The following KCNIP4 variants were observed in gnomAD, a reference collection of about 807,000 sequenced individuals.
The protein encoded by KCNIP4 is potassium voltage-gated channel interacting protein 4, also known as Kv channel-interacting protein 4.
Under a neutral mutation model 34.0 loss-of-function variants are expected in KCNIP4, and 12 were observed. That is an observed-to-expected ratio of 0.35 (90% CI 0.23 to 0.57). The LOEUF (loss-of-function observed/expected upper bound fraction) is 0.57. KCNIP4 is among the 20% of genes least tolerant of loss of function. KCNIP4 has a pLI of 0.83. For missense variants in KCNIP4, 238 were observed against 311.7 expected (o/e 0.76, Z 1.78); for synonymous variants, 124 against 102.2 (o/e 1.21, Z -1.29).
At chr4:21,541,615 C>T (rs569978472) in intron 1 of KCNIP4, among the ~76,000 whole-genome samples, 104 of 152,238 alleles carry the variant, frequency 6.8e-4, no homozygotes, top group African/African-American at 2.4e-3. Flanking sequence ...ATGTTCAAGT[C>T]ATATAGTCTT....
At chr4:21,458,401 C>T (rs573300026) in intron 1 of KCNIP4, among the ~76,000 whole-genome samples, 20 of 151,812 alleles carry the variant, frequency 1.3e-4, no homozygotes, top group African/African-American at 4.6e-4. Context: ...CATTGTTGGA[C>T]ATTTGGGTTG....
chr4:20,898,012 C>T (rs1392029690), intron 1 of KCNIP4, among the ~76,000 whole-genome samples: 1 of 152,070 alleles, frequency 6.6e-6, no homozygotes. Context: ...GCAAAGAAGA[C>T]CCACCCTCAC....
intron 1 of KCNIP4, among the ~76,000 whole-genome samples, chr4:20,935,187 T>A: frequency 6.6e-6 from 1 of 152,204 alleles, no homozygotes; most frequent in South Asian, 2.1e-4. Context: ...AGGGTCTGGA[T>A]GAACATACAT....
chr4:21,556,303 A>C (rs752339979), intron 1 of KCNIP4, among the ~76,000 whole-genome samples: 1 of 152,174 alleles, frequency 6.6e-6, no homozygotes, highest in Non-Finnish European at 1.5e-5. Context: ...TATTAGGTAC[A>C]TGATTCAGTT....
intron 1 of KCNIP4, among the ~76,000 whole-genome samples, chr4:21,466,248 C>T (rs1477192282): frequency 6.6e-6 from 1 of 152,122 alleles, no homozygotes; most frequent in East Asian, 1.9e-4. Context: ...ACACCGAACT[C>T]CAAAGTCTAA....
chr4:21,678,744 C>CTTCTCTG, intron 1 of KCNIP4, among the ~76,000 whole-genome samples: 1 of 152,288 alleles, frequency 6.6e-6, no homozygotes, highest in East Asian at 1.9e-4. Context: ...GACCAAATGC[C>CTTCTCTG]ATTCTCTGAT....
chr4:21,820,456 G>T (rs1036373220), intron 1 of KCNIP4, among the ~76,000 whole-genome samples: 2 of 151,562 alleles, frequency 1.3e-5, no homozygotes, highest in African/African-American at 4.8e-5. Context: ...TAAGCCAATT[G>T]GATGTATACA....
intron 1 of KCNIP4, among the ~76,000 whole-genome samples, chr4:20,999,924 G>A (rs915435481): frequency 3.3e-5 from 5 of 152,322 alleles, no homozygotes; most frequent in Admixed American, 6.5e-5. Context: ...TTTTCTGGTA[G>A]AGGCAACTTA....
At chr4:21,666,749 T>C (rs1192850530) in intron 1 of KCNIP4, among the ~76,000 whole-genome samples, 2 of 152,196 alleles carry the variant, frequency 1.3e-5, no homozygotes, top group African/African-American at 2.4e-5. Context: ...GTCTTTTATA[T>C]GAAAAGCAAG....
At chr4:21,566,246 A>C (rs1323372920) in intron 1 of KCNIP4, among the ~76,000 whole-genome samples, 2 of 152,204 alleles carry the variant, frequency 1.3e-5, no homozygotes, top group Admixed American at 6.5e-5. Context: ...GAGGCCAGTC[A>C]GGACACCAGT....
At chr4:21,860,960 C>T (rs1038788074) in intron 1 of KCNIP4, among the ~76,000 whole-genome samples, 3 of 152,146 alleles carry the variant, frequency 2.0e-5, no homozygotes, top group African/African-American at 7.2e-5. Flanking sequence ...ACAGCCACTC[C>T]ATTCAAAAAC....
chr4:21,210,513 C>T (rs759989326), intron 1 of KCNIP4, among the ~76,000 whole-genome samples: 4 of 152,106 alleles, frequency 2.6e-5, no homozygotes, highest in Non-Finnish European at 4.4e-5. Flanking sequence ...TTCCATTGTC[C>T]TTTTAAAGTT....
At chr4:21,155,711 A>G (rs946718292) in intron 1 of KCNIP4, among the ~76,000 whole-genome samples, 2 of 152,146 alleles carry the variant, frequency 1.3e-5, no homozygotes, top group African/African-American at 4.8e-5. Context: ...AAAGTTTGAA[A>G]TGACAATAGA....
At chr4:21,260,688 T>C (rs1761414138) in intron 1 of KCNIP4, among the ~76,000 whole-genome samples, 1 of 152,178 alleles carries the variant, frequency 6.6e-6, no homozygotes, top group Admixed American at 6.5e-5. Flanking sequence ...TTTTGCTGAA[T>C]CCAGAGATAG....
At chr4:21,503,613 T>C (rs1451953671) in intron 1 of KCNIP4, among the ~76,000 whole-genome samples, 1 of 152,178 alleles carries the variant, frequency 6.6e-6, no homozygotes, top group African/African-American at 2.4e-5. Flanking sequence ...TCACCAAAGG[T>C]AGTCAGTGGC....
intron 1 of KCNIP4, among the ~76,000 whole-genome samples, chr4:21,658,583 A>T (rs1230346040): frequency 1.3e-5 from 2 of 152,012 alleles, no homozygotes; most frequent in Non-Finnish European, 2.9e-5. Flanking sequence ...TTATATTTTT[A>T]GTAGAGACGG....
intron 1 of KCNIP4, among the ~76,000 whole-genome samples, chr4:20,936,119 T>G (rs762098847): frequency 6.6e-6 from 1 of 152,164 alleles, no homozygotes; most frequent in African/African-American, 2.4e-5. Context: ...GTTAACAGTA[T>G]CTACTCTATT....
chr4:20,826,320 G>A (rs968796421), intron 3 of KCNIP4, among the ~76,000 whole-genome samples: 1 of 152,086 alleles, frequency 6.6e-6, no homozygotes, highest in Non-Finnish European at 1.5e-5. Context: ...CACGTCTGTA[G>A]TCCCAGCACT....
intron 1 of KCNIP4, among the ~76,000 whole-genome samples, chr4:21,733,150 C>A (rs2109115095): frequency 6.6e-6 from 1 of 152,242 alleles, no homozygotes; most frequent in Admixed American, 6.5e-5. Flanking sequence ...TTTTATACTT[C>A]TCTTCATTTT....
Sources: allele counts gnomAD v4.1 joint callset (sites outside exome capture counted in the v4.1 genomes callset), GRCh38; gene constraint gnomAD v4.1.1; transcripts MANE v1.5; gene names NCBI Gene and HGNC (gene_info 2026-07-23, HGNC 2026-07-21).